Variants in ZNF345 observed in about 807,000 individuals in gnomAD.
ZNF345 encodes the protein zinc finger protein HZF10.
For missense variants in ZNF345, 527 were observed against 589.9 expected (o/e 0.89, Z 1.10); for synonymous variants, 166 against 187.9 (o/e 0.88, Z 0.95).
At chr19:36,860,626 GA>G (rs1410962917) in intron 2 of ZNF345, among the ~76,000 whole-genome samples, 1 of 152,146 alleles carries the variant, frequency 6.6e-6, no homozygotes, top group Non-Finnish European at 1.5e-5. Context: ...TTCAGGCTAT[GA>G]ATTTTGTGGC....
chr19:36,891,755 G>T (rs747151341), intron 3 of ZNF345: 13 of 1,614,148 alleles, frequency 8.1e-6, no homozygotes, highest in Non-Finnish European at 9.3e-6. Context: ...TCACCAGCAT[G>T]AATTCTGTGA....
intron 3 of ZNF345, chr19:36,892,798 T>A (rs994301436): frequency 3.3e-6 from 2 of 605,488 alleles, no homozygotes; most frequent in Non-Finnish European, 4.9e-6. Flanking sequence ...AAAAAAAAAT[T>A]TTTTTTGCCC....
In ZNF345 at chr19:36,877,164, C is replaced by A. The variant is rs896985848; in HGVS notation, c.334C>A (p.His112Asn). 6 of 1,613,982 alleles carry A rather than the reference C, an allele frequency of 3.7e-6. No homozygotes were observed. Among genetic ancestry groups the A allele is most frequent in the Non-Finnish European group, 5.1e-6 (6 of 1,180,028 alleles). The part of the protein sequence containing the change: ...GANLAYHQRI[H>N]TGEKPFECKE... ...AAACCTTGCTTACCATCAAAGAATTCATACTGGTGAGAAGCCTTTTGAATG... is the reference window on the plus strand; with the variant it reads ...AAACCTTGCTTACCATCAAAGAATTAATACTGGTGAGAAGCCTTTTGAATG... Residue 112 changes from histidine (H) to asparagine (N), a missense_variant, in exon 3 of 3, where the codon CAT becomes AAT. Physicochemically the swap from His to Asn is moderately conservative, Grantham distance 68. Transcript: ENST00000420450.
At chr19:36,862,925 T>A (rs942865869) in intron 2 of ZNF345, 6 of 151,886 alleles carry the variant, frequency 4.0e-5, no homozygotes, top group Non-Finnish European at 8.8e-5. Context: ...AGGGAGGAAA[T>A]TTGGACACAC....
intron 2 of ZNF345, among the ~76,000 whole-genome samples, chr19:36,855,150 C>CTT (rs34077053): frequency 4.1e-4 from 58 of 143,124 alleles, no homozygotes; most frequent in Admixed American, 1.3e-3. Flanking sequence ...CACGCCCAGC[C>CTT]TTTTTTTTTT....
intron 2 of ZNF345, among the ~76,000 whole-genome samples, chr19:36,871,386 T>G: frequency 6.6e-6 from 1 of 152,228 alleles, no homozygotes; most frequent in South Asian, 2.1e-4. Flanking sequence ...TTGTTGCCAT[T>G]TTGCCACATT....
At chr19:36,889,777 CTGATA>C (rs2073033001) in intron 3 of ZNF345, 1 of 152,030 alleles carries the variant, frequency 6.6e-6, no homozygotes, top group East Asian at 1.9e-4. Context: ...TTTGCCTGCT[CTGATA>C]TTTGTTATTG....
At chr19:36,879,942 A>T (rs2072958558), downstream of ZNF345, among the ~76,000 whole-genome samples, 2 of 152,252 alleles carry the variant, frequency 1.3e-5, no homozygotes, top group African/African-American at 4.8e-5. Flanking sequence ...GCCATGATCC[A>T]TACCTTACTC....
chr19:36,868,516 T>G (rs1161036145), intron 2 of ZNF345, among the ~76,000 whole-genome samples: 1 of 152,160 alleles, frequency 6.6e-6, no homozygotes, highest in Admixed American at 6.6e-5. Context: ...AGCTTTATAA[T>G]AGTAAGTTTT....
chr19:36,877,886 T>C lies in ZNF345; in HGVS notation c.1056T>C (p.Ser352=), dbSNP rs754348090. The C allele has an allele frequency of 2.5e-6, 4 of 1,613,796 alleles. No homozygotes were observed. In the African/African-American group the frequency reaches 4.0e-5, roughly 16 times the overall value. ...GTAAGGAATGTGGGAAGACCTTTAGTAGTGGTTCAGACCTTACTCAACATC... is the reference window on the plus strand; with the variant it reads ...GTAAGGAATGTGGGAAGACCTTTAGCAGTGGTTCAGACCTTACTCAACATC... ...YECKECGKTF[S]SGSDLTQHHR... The change falls in exon 3 of 3, where the codon AGT becomes AGC. Residue 352 remains serine (S), a synonymous_variant. Coordinates refer to ENST00000420450, the MANE Select transcript of ZNF345 (RefSeq NM_001242472.2).
At chr19:36,866,960 T>A (rs892250476) in intron 2 of ZNF345, among the ~76,000 whole-genome samples, 1 of 152,240 alleles carries the variant, frequency 6.6e-6, no homozygotes, top group Non-Finnish European at 1.5e-5. Flanking sequence ...GGATAATTGG[T>A]GGTTTCCAGC....
At chr19:36,865,527 C>T (rs2146165722) in intron 2 of ZNF345, among the ~76,000 whole-genome samples, 1 of 152,220 alleles carries the variant, frequency 6.6e-6, no homozygotes, top group Non-Finnish European at 1.5e-5. Context: ...GTAGTTCGAT[C>T]TCGGCTCACT....
chr19:36,871,511 A>G (rs1309398077), intron 2 of ZNF345, among the ~76,000 whole-genome samples: 2 of 152,200 alleles, frequency 1.3e-5, no homozygotes, highest in Admixed American at 6.5e-5. Context: ...TCTCCTTAGT[A>G]TTAATGATAT....
chr19:36,870,069 C>T (rs777145272), intron 2 of ZNF345, among the ~76,000 whole-genome samples: 1 of 152,208 alleles, frequency 6.6e-6, no homozygotes, highest in Non-Finnish European at 1.5e-5. Context: ...ACTTGAGCCA[C>T]TGCACCCAGC....
At chr19:36,855,993 A>G (rs1231634460) in intron 2 of ZNF345, among the ~76,000 whole-genome samples, 1 of 152,198 alleles carries the variant, frequency 6.6e-6, no homozygotes, top group Non-Finnish European at 1.5e-5. Flanking sequence ...GATTTCACCC[A>G]TACCACTTGT....
chr19:36,854,318 C>G (rs1369901466), intron 2 of ZNF345: 1 of 151,638 alleles, frequency 6.6e-6, no homozygotes, highest in Non-Finnish European at 1.5e-5. Context: ...CCTCAAAAAG[C>G]AGCTGTATTA....
chr19:36,867,054 A>G (rs1184742863), intron 2 of ZNF345, among the ~76,000 whole-genome samples: 2 of 152,196 alleles, frequency 1.3e-5, no homozygotes, highest in Non-Finnish European at 2.9e-5. Flanking sequence ...GGGAATGTGC[A>G]TGTGTTAGCC....
chr19:36,870,459 T>C (rs2072749513), intron 2 of ZNF345, among the ~76,000 whole-genome samples: 1 of 152,178 alleles, frequency 6.6e-6, no homozygotes, highest in South Asian at 2.1e-4. Context: ...CCCTTCTGCG[T>C]TGAGTTCTTT....
At chr19:36,859,966 GT>G (rs1217945695) in intron 2 of ZNF345, among the ~76,000 whole-genome samples, 1 of 151,406 alleles carries the variant, frequency 6.6e-6, no homozygotes, top group Non-Finnish European at 1.5e-5. Flanking sequence ...TTGTTTGTTT[GT>G]TTGTTTTTTT....
Sources: gnomAD v4.1 joint callset for allele counts (sites outside exome capture counted in the v4.1 genomes callset) on GRCh38, gnomAD v4.1.1 for gene constraint, MANE v1.5 for transcripts, NCBI Gene and HGNC (gene_info 2026-07-23, HGNC 2026-07-21) for gene names.